The following ZNF445 variants were observed in gnomAD, a reference collection of about 807,000 sequenced individuals.
ZNF445 encodes the protein zinc finger protein 445.
ZNF445 carries 19 observed loss-of-function variants against 93.9 expected under a neutral mutation model. The observed-to-expected ratio is 0.20, with a 90% CI of 0.14 to 0.30. The LOEUF is 0.30. ZNF445 is among the 10% of genes least tolerant of loss of function. The pLI, the probability that ZNF445 is intolerant of heterozygous loss-of-function variation, is 1.00. For synonymous variants in ZNF445, 449 were observed against 446.3 expected (o/e 1.01, Z -0.08); for missense variants, 1,058 against 1,259.4 (o/e 0.84, Z 2.42).
intron 1 of ZNF445, among the ~76,000 whole-genome samples, chr3:44,476,706 T>C (rs1290549879): frequency 1.3e-5 from 2 of 152,240 alleles, no homozygotes; most frequent in African/African-American, 4.8e-5. Flanking sequence ...CAGAGTGTGC[T>C]ACAATCGCTG....
intron 2 of ZNF445, among the ~76,000 whole-genome samples, chr3:44,456,420 ACAAG>A (rs1026864462): frequency 2.0e-5 from 3 of 152,162 alleles, no homozygotes; most frequent in Non-Finnish European, 4.4e-5. Context: ...CTGTCTCAAA[ACAAG>A]CAAGCAAGCA....
chr3:44,440,009 G>T lies in ZNF445; in HGVS notation c.*6566C>A, dbSNP rs1697779483. On this transcript the variant is annotated 3_prime_UTR_variant, in exon 8 of 8. Coordinates refer to ENST00000396077, the MANE Select transcript of ZNF445 (RefSeq NM_181489.6). ...TGTCCAGATCCAGGCAAACTGAGGGGGAGAGCTTGAATGCTATTAGCAGAC... is the reference window on the plus strand; with the variant it reads ...TGTCCAGATCCAGGCAAACTGAGGGTGAGAGCTTGAATGCTATTAGCAGAC... 1 of 152,182 alleles carries T rather than the reference G, an allele frequency of 6.6e-6. No individual in the cohort carries two copies. The highest frequency in any genetic ancestry group is 2.4e-5 in the African/African-American group (1 of 41,422). The allele number at this position is 152,182 out of a possible 1,614,324, so 9.4% of individuals were successfully genotyped here.
At chr3:44,448,888 G>T in intron 7 of ZNF445, 149 bp from the exon 8 acceptor site, 1 of 982,838 alleles carries the variant, frequency 1.0e-6, no homozygotes, top group Middle Eastern at 3.3e-4. Flanking sequence ...GGCAAAACAT[G>T]GAAGATTATC....
In ZNF445 at chr3:44,433,781, C is replaced by G. The variant is rs1379466021; in HGVS notation, c.*12794G>C. On this transcript the variant is annotated 3_prime_UTR_variant, in exon 8 of 8. Coordinates refer to ENST00000396077, the MANE Select transcript of ZNF445 (RefSeq NM_181489.6). ...GGCAGCCTGGGCAGCCCTGCGGGGC[C>G]CCACACTTAGAATGGCCTCCGCCTG... 6.6e-6 allele frequency: 1 copy of G among 152,290 alleles called. No homozygotes were observed. Among genetic ancestry groups the G allele is most frequent in the Non-Finnish European group, 1.5e-5 (1 of 68,124 alleles). 9.4% of individuals were successfully genotyped at this position (152,290 alleles called of 1,614,324 possible).
intron 1 of ZNF445, among the ~76,000 whole-genome samples, chr3:44,459,685 A>C (rs1698081356): frequency 6.6e-6 from 1 of 152,250 alleles, no homozygotes; most frequent in Non-Finnish European, 1.5e-5. Context: ...CAGTACATAC[A>C]GAATCCTGAC....
chr3:44,441,607 A>T lies in ZNF445; in HGVS notation c.*4968T>A, dbSNP rs1697812087. ...CTCTAAGTAACATCATGTACCTGGCAGGGATTTCTATAAAGTCATAAGATG... is the reference window on the plus strand; with the variant it reads ...CTCTAAGTAACATCATGTACCTGGCTGGGATTTCTATAAAGTCATAAGATG... On this transcript the variant is annotated 3_prime_UTR_variant, in exon 8 of 8. Transcript: ENST00000396077. The T allele has an allele frequency of 6.6e-6, 1 of 152,222 alleles. No homozygotes were observed. 9.4% of individuals were successfully genotyped at this position (152,222 alleles called of 1,614,324 possible). A position where few individuals can be genotyped will look rare whatever the true frequency, so the allele number is the denominator to read the frequency against.
rs748832511 is a variant in ZNF445 at position 44,447,192 on chromosome 3, G to A, written c.2479C>T (p.Pro827Ser). Residue 827 changes from proline to serine, a missense_variant, in exon 8 of 8, where the codon CCA becomes TCA. Around this residue, in one of 3 missense-constraint regions of ZNF445, gnomAD observed 387 missense variants for 475.7 expected, o/e 0.81. Coordinates refer to ENST00000396077, the MANE Select transcript of ZNF445 (RefSeq NM_181489.6). This position sits in a 1 kb window ranked among gnomAD's most constrained non-coding sequence, Gnocchi z 4.7. The part of the protein sequence containing the change: ...QYDCHESEKT[P>S]NVEPKILTGE... ...GTGAGGATTTTTGGCTCCACATTTG[G>A]AGTCTTTTCACTTTCATGGCAATCA... 20 of 1,614,062 alleles carry A rather than the reference G, an allele frequency of 1.2e-5. No individual in the cohort carries two copies. Among genetic ancestry groups the A allele is most frequent in the Admixed American group, 5.0e-5 (3 of 60,012 alleles).
chr3:44,468,072 C>T (rs769289565), intron 1 of ZNF445, among the ~76,000 whole-genome samples: 3 of 152,188 alleles, frequency 2.0e-5, no homozygotes, highest in Admixed American at 6.5e-5. Context: ...AAGCCATGAA[C>T]GCCTGGCCAA....
At chr3:44,466,147 A>C (rs1010862121) in intron 1 of ZNF445, among the ~76,000 whole-genome samples, 13 of 152,232 alleles carry the variant, frequency 8.5e-5, no homozygotes, top group Admixed American at 3.3e-4. Context: ...TGGAAAGCTA[A>C]GTCTCCTCTA....
At chr3:44,450,338 T>C in intron 6 of ZNF445, 109 bp downstream of exon 6, 2 of 1,419,374 alleles carry the variant, frequency 1.4e-6, no homozygotes, top group Middle Eastern at 2.4e-4. Flanking sequence ...GGTCAGCAGT[T>C]ACAGAGCCAG....
At chr3:44,451,045 C>A (rs1575309551) in intron 4 of ZNF445, 83 bp from the exon 5 acceptor site, 1 of 1,189,192 alleles carries the variant, frequency 8.4e-7, no homozygotes, top group Non-Finnish European at 1.2e-6. Context: ...GTAGAGGACT[C>A]CTGGACCCAT....
Position 44,451,348 on chromosome 3 carries a change from T to C in ZNF445, c.564A>G (p.Glu188=), listed in dbSNP as rs1394799336. The stretch of plus-strand genomic sequence containing the variant: ...CAGCCAGGAAGTCACGTGCTTCTAT[T>C]TCATAGGGAGGCTCCAGGTGGTCCC... ...ALGDHLEPPY[E]IEARDFLAGQ... is the part of the protein sequence containing the mutation. Residue 188 remains glutamate, a synonymous_variant, in exon 4 of 8, where the codon GAA becomes GAG. Transcript: ENST00000396077. 4 of 1,614,082 alleles carry C rather than the reference T, an allele frequency of 2.5e-6. No homozygotes were observed. Among genetic ancestry groups the C allele is most frequent in the Non-Finnish European group, 3.4e-6 (4 of 1,179,966 alleles).
In ZNF445 at chr3:44,448,485, G is replaced by A. The variant is rs770594829; in HGVS notation, c.1186C>T (p.Leu396Phe). Residue 396 changes from leucine to phenylalanine, a missense_variant, in exon 8 of 8, where the codon CTT becomes TTT. This residue lies in a region of ZNF445 where 657 missense variants were observed against 746.4 expected (regional missense o/e 0.88). Coordinates refer to ENST00000396077, the MANE Select transcript of ZNF445 (RefSeq NM_181489.6). ...KDSEVSGSNS[L>F]DLKHVTYLRV... ...AAATATGTAACATGTTTTAAGTCAA[G>A]ACTATTACTTCCTGATACTTCAGAG... 13 of 1,613,552 alleles carry A rather than the reference G, an allele frequency of 8.1e-6. No homozygotes were observed. Among genetic ancestry groups the A allele is most frequent in the Middle Eastern group, 1.6e-4 (1 of 6,082 alleles).
intron 3 of ZNF445, among the ~76,000 whole-genome samples, chr3:44,454,386 T>C (rs1697998022): frequency 1.3e-5 from 2 of 152,048 alleles, no homozygotes; most frequent in Non-Finnish European, 2.9e-5. Flanking sequence ...AGATAATATG[T>C]GGAGATGGAC....
chr3:44,470,205 G>A (rs1245905564), intron 1 of ZNF445, among the ~76,000 whole-genome samples: 2 of 152,216 alleles, frequency 1.3e-5, no homozygotes, highest in East Asian at 1.9e-4. Flanking sequence ...TTACAGGCAT[G>A]AGCCACAATG....
At position 44,448,374 on chromosome 3, in the gene ZNF445, A is replaced by G; in HGVS notation, c.1297T>C (p.Tyr433His). Residue 433 changes from tyrosine (Y) to histidine (H), a missense_variant, in exon 8 of 8, where the codon TAT becomes CAT. This residue lies in a region of ZNF445 where 657 missense variants were observed against 746.4 expected (regional missense o/e 0.88). Coordinates refer to ENST00000396077, the MANE Select transcript of ZNF445 (RefSeq NM_181489.6). ...ATCATGTGTCTGAGCCCCTTCCCAT[A>G]TTTCTTGTAGTCATAGTGGTGTGAA... is the stretch of plus-strand genomic sequence containing the variant. ...MSSHHYDYKK[Y>H]GKGLRHMIGG... 6.2e-7 allele frequency: 1 copy of G among 1,614,022 alleles called. No homozygotes were observed. The highest frequency in any genetic ancestry group is 8.5e-7 in the Non-Finnish European group (1 of 1,180,000).
At chr3:44,464,517 C>G (rs1040934286) in intron 1 of ZNF445, among the ~76,000 whole-genome samples, 1 of 152,082 alleles carries the variant, frequency 6.6e-6, no homozygotes, top group Non-Finnish European at 1.5e-5. Context: ...TTTTCGTTCA[C>G]GTGGCTTTAG....
chr3:44,460,981 ACT>A (rs1226050387), intron 1 of ZNF445, among the ~76,000 whole-genome samples: 1 of 152,032 alleles, frequency 6.6e-6, no homozygotes, highest in African/African-American at 2.4e-5. Flanking sequence ...TGATTCTGGT[ACT>A]CTCTCTACTG....
chr3:44,475,388 T>TG (rs1304691542), intron 1 of ZNF445, among the ~76,000 whole-genome samples: 1 of 151,548 alleles, frequency 6.6e-6, no homozygotes, highest in African/African-American at 2.4e-5. Context: ...TTAGTAGAGA[T>TG]GGGGTTTCAC....
Sources: allele counts gnomAD v4.1 joint callset (sites outside exome capture counted in the v4.1 genomes callset), GRCh38; gene constraint gnomAD v4.1.1; regional missense constraint gnomAD v4.1.1; non-coding constraint Gnocchi (gnomAD v3.1); transcripts MANE v1.5; gene names NCBI Gene and HGNC (gene_info 2026-07-23, HGNC 2026-07-21).